Variants in PKP4 observed in about 807,000 individuals in gnomAD.
PKP4 encodes the protein plakophilin 4.
In PKP4, 90 loss-of-function variants were observed where a neutral mutation model predicts 145.1. The ratio of observed to expected loss-of-function variants is 0.62; its 90% CI spans 0.52 to 0.74. The LOEUF is 0.74. PKP4 is among the 30% of genes least tolerant of loss of function. PKP4 has a pLI of 0.00. For synonymous variants in PKP4, 563 were observed against 577.2 expected (o/e 0.98, Z 0.35); for missense variants, 1,340 against 1,482.7 (o/e 0.90, Z 1.58).
rs2058367420 is a variant in PKP4 at position 158,680,439 on chromosome 2, T to C, written c.3341T>C (p.Leu1114Pro). 1 of 1,601,790 alleles carries C rather than the reference T, an allele frequency of 6.2e-7. No homozygotes were observed. Among genetic ancestry groups the C allele is most frequent in the African/African-American group, 1.3e-5 (1 of 74,524 alleles). ...EQNRRLQHQQ[L>P]YYSQDDSNRK... ...TCATTTTGTCAACAGCATCAACAGC[T>C]GTATTATAGTCAAGATGACTCCAAC... Residue 1114 changes from leucine (L) to proline (P), a missense_variant, in exon 22 of 22, where the codon CTG (leucine) becomes CCG (proline). By Grantham distance (98) the Leu-to-Pro change is moderately conservative (BLOSUM62 -3). Transcript: ENST00000389759.
intron 8 of PKP4, among the ~76,000 whole-genome samples, chr2:158,633,289 A>G (rs1054892364): frequency 6.6e-6 from 1 of 152,368 alleles, no homozygotes; most frequent in Admixed American, 6.5e-5. Flanking sequence ...GCACAGTAAG[A>G]GATTAACAAC....
intron 9 of PKP4, among the ~76,000 whole-genome samples, chr2:158,637,250 T>TA (rs2053883312): frequency 6.6e-6 from 1 of 152,174 alleles, no homozygotes; most frequent in South Asian, 2.1e-4. Flanking sequence ...TCCTTACCCC[T>TA]AAAACTTGGC....
intron 3 of PKP4, among the ~76,000 whole-genome samples, chr2:158,593,249 T>C (rs913527137): frequency 1.3e-5 from 2 of 152,176 alleles, no homozygotes; most frequent in African/African-American, 4.8e-5. Flanking sequence ...ATCCTAGGTT[T>C]GTGGCAGGAT....
Position 158,661,327 on chromosome 2 carries a change from C to G in PKP4, c.2094-6C>G, listed in dbSNP as rs749101241. 3.7e-6 allele frequency: 6 copies of G among 1,609,736 alleles called. No homozygotes were observed. Among genetic ancestry groups the G allele is most frequent in the Non-Finnish European group, 5.1e-6 (6 of 1,176,586 alleles). ...TCAGCAGCTCCTCCTGTCTCCACCC[C>G]TTTAGGAACCTCAGCTCCGCGGGGG... is the stretch of plus-strand genomic sequence containing the variant. On this transcript the variant is annotated splice_polypyrimidine_tract_variant and splice_region_variant and intron_variant, in intron 12 of 21. Coordinates refer to ENST00000389759, the MANE Select transcript of PKP4 (RefSeq NM_003628.6).
chr2:158,577,208 C>T, intron 2 of PKP4, 63 bp from the exon 3 acceptor site: 1 of 955,234 alleles, frequency 1.0e-6, no homozygotes, highest in Non-Finnish European at 1.6e-6. Flanking sequence ...TACATTAATT[C>T]ATATATCTGC....
At chr2:158,497,019 GATTTCCTTAA>G (rs776841815) in intron 1 of PKP4, among the ~76,000 whole-genome samples, 3 of 151,920 alleles carry the variant, frequency 2.0e-5, no homozygotes, top group Non-Finnish European at 2.9e-5. Context: ...GTGATATGTT[GATTTCCTTAA>G]AAGAATAATT....
chr2:158,526,669 C>G (rs921503130), intron 1 of PKP4, among the ~76,000 whole-genome samples: 1 of 91,514 alleles, frequency 1.1e-5, no homozygotes, highest in African/African-American at 4.6e-5. Context: ...AAAGGGTATT[C>G]AATTAGGAAA....
intron 1 of PKP4, among the ~76,000 whole-genome samples, chr2:158,476,730 T>A (rs1379259261): frequency 2.0e-5 from 3 of 152,118 alleles, no homozygotes; most frequent in African/African-American, 4.8e-5. Flanking sequence ...TTTTTCTGAT[T>A]GTAAATGAAA....
chr2:158,462,890 C>A (rs1301990733), intron 1 of PKP4, among the ~76,000 whole-genome samples: 2 of 152,154 alleles, frequency 1.3e-5, no homozygotes, highest in Non-Finnish European at 2.9e-5. Flanking sequence ...AAAGTGCTTA[C>A]AACAGGAGCT....
At chr2:158,536,408 C>A (rs2044049016) in intron 2 of PKP4, among the ~76,000 whole-genome samples, 1 of 152,114 alleles carries the variant, frequency 6.6e-6, no homozygotes, top group Non-Finnish European at 1.5e-5. Flanking sequence ...ATAAAATTAA[C>A]CTGAATTTTG....
chr2:158,649,028 T>G (rs1260123353), intron 11 of PKP4, among the ~76,000 whole-genome samples: 1 of 152,032 alleles, frequency 6.6e-6, no homozygotes, highest in Non-Finnish European at 1.5e-5. Flanking sequence ...ACAGAAACAT[T>G]CCCTTATTCA....
At chr2:158,673,067 G>C (rs902830023) in intron 17 of PKP4, among the ~76,000 whole-genome samples, 1 of 152,166 alleles carries the variant, frequency 6.6e-6, no homozygotes, top group South Asian at 2.1e-4. Flanking sequence ...AACAGCAGCA[G>C]CTCCCAAGGT....
At chr2:158,469,029 T>A (rs1249672369) in intron 1 of PKP4, among the ~76,000 whole-genome samples, 1 of 152,052 alleles carries the variant, frequency 6.6e-6, no homozygotes, top group Non-Finnish European at 1.5e-5. Flanking sequence ...TCCTCCTGCC[T>A]CAGCATCCCA....
Position 158,621,066 on chromosome 2 carries a change from G to C in PKP4, c.357G>C (p.Glu119Asp). 1.2e-6 allele frequency: 2 copies of C among 1,614,148 alleles called. No homozygotes were observed. Among genetic ancestry groups the C allele is most frequent in the South Asian group, 1.1e-5 (1 of 91,084 alleles). ...VQPNNYLIRT[E>D]PEQGTLYSPE... ...CCAACAACTATCTCATCAGGACAGA[G>C]CCAGAACAAGGAACCCTCTATTCAC... is the stretch of plus-strand genomic sequence containing the variant. The change falls in exon 5 of 22, where the codon GAG becomes GAC. Residue 119 changes from glutamate to aspartate, a missense_variant. Coordinates refer to ENST00000389759, the MANE Select transcript of PKP4 (RefSeq NM_003628.6).
rs115098472 is a variant in PKP4, at chr2:158,581,218, A to G, written c.245+3835A>G. On this transcript the variant is annotated intron_variant, in intron 3 of 21. Transcript: ENST00000389759. ...ACCCAGGCCCCCTTTCCGGTATGCCATTTCCGATTTGCTAAAAAATAACAA... is the reference window on the plus strand; with the variant it reads ...ACCCAGGCCCCCTTTCCGGTATGCCGTTTCCGATTTGCTAAAAAATAACAA... Among the ~76,000 whole-genome samples, 247 of 152,296 alleles carry G rather than the reference A, an allele frequency of 1.6e-3. 1 individual carries two copies. The highest frequency in any genetic ancestry group is 2.7e-3 in the Non-Finnish European group (183 of 68,014).
intron 1 of PKP4, among the ~76,000 whole-genome samples, chr2:158,528,170 A>C (rs901266438): frequency 6.9e-6 from 1 of 145,270 alleles, no homozygotes; most frequent in African/African-American, 2.5e-5. Context: ...TCATGCTGCT[A>C]TAAAGACACA....
At chr2:158,592,601 C>T (rs1483313202) in intron 3 of PKP4, among the ~76,000 whole-genome samples, 2 of 151,984 alleles carry the variant, frequency 1.3e-5, no homozygotes, top group African/African-American at 4.8e-5. Context: ...GAAATTTTTA[C>T]TGTTTATAAA....
chr2:158,636,714 C>T (rs1451179256), intron 9 of PKP4, among the ~76,000 whole-genome samples: 1 of 151,916 alleles, frequency 6.6e-6, no homozygotes, highest in Non-Finnish European at 1.5e-5. Flanking sequence ...TCTTTTTTCC[C>T]TGTATTCTTG....
chr2:158,533,446 A>G (rs1183582037), intron 2 of PKP4, 130 bp downstream of exon 2: 3 of 1,087,350 alleles, frequency 2.8e-6, no homozygotes, highest in Non-Finnish European at 4.1e-6. Context: ...AGGTGTTTAC[A>G]TCCCTGAGTA....
Sources: allele counts gnomAD v4.1 joint callset (sites outside exome capture counted in the v4.1 genomes callset), GRCh38; gene constraint gnomAD v4.1.1; transcripts MANE v1.5; gene names NCBI Gene and HGNC (gene_info 2026-07-23, HGNC 2026-07-21).